Variants in GRM5 observed in about 807,000 individuals in gnomAD.
GRM5 encodes glutamate metabotropic receptor 5.
In GRM5, 19 loss-of-function variants were observed where a neutral mutation model predicts 83.1. The observed-to-expected ratio is 0.23, with a 90% CI of 0.16 to 0.34. The LOEUF is 0.34. GRM5 is among the 10% of genes least tolerant of loss of function. GRM5 has a pLI of 1.00. For missense variants in GRM5, 1,160 were observed against 1,588.3 expected (o/e 0.73, Z 4.58); for synonymous variants, 675 against 633.6 (o/e 1.07, Z -0.98).
At chr11:88,978,625 T>G (rs1361560587) in intron 2 of GRM5, among the ~76,000 whole-genome samples, 1 of 151,884 alleles carries the variant, frequency 6.6e-6, no homozygotes, top group Admixed American at 6.6e-5. Flanking sequence ...ACAAGCTTGA[T>G]GTACAGTATT....
At chr11:88,644,451 A>G (rs1431612483) in intron 4 of GRM5, among the ~76,000 whole-genome samples, 1 of 152,202 alleles carries the variant, frequency 6.6e-6, no homozygotes, top group African/African-American at 2.4e-5. Flanking sequence ...TCCTTGAGAC[A>G]TTTATAATTT....
chr11:88,612,544 C>T (rs1938352914), intron 4 of GRM5, among the ~76,000 whole-genome samples: 1 of 152,320 alleles, frequency 6.6e-6, no homozygotes, highest in Non-Finnish European at 1.5e-5. Flanking sequence ...AGTAGCCACA[C>T]TGACTTCCAC....
At chr11:88,768,646 T>C (rs1274583373) in intron 3 of GRM5, among the ~76,000 whole-genome samples, 3 of 151,662 alleles carry the variant, frequency 2.0e-5, no homozygotes, top group Non-Finnish European at 4.4e-5. Flanking sequence ...AAAGAGATAA[T>C]TTAAAAATAG....
chr11:88,619,592 A>G (rs1938578771), intron 4 of GRM5, among the ~76,000 whole-genome samples: 1 of 152,110 alleles, frequency 6.6e-6, no homozygotes, highest in African/African-American at 2.4e-5. Context: ...CTTGCCTCCT[A>G]ATTTCTTGGG....
At position 88,580,132 on chromosome 11, in the gene GRM5, A is replaced by C. The variant is rs1391239586; in HGVS notation, c.1690+10469T>G. Among the ~76,000 whole-genome samples the C allele has an allele frequency of 4.6e-5, 7 of 152,332 alleles. No individual in the cohort carries two copies. The East Asian group carries it at 1.3e-3, about 29-fold the overall frequency. On this transcript the variant is annotated intron_variant, in intron 7 of 9. Transcript: ENST00000305447. ...TCAGATGAAATGTAATAGTAAGGATAAAGCAGCCTGGGAGATTAAGAAGGT... is the reference window on the plus strand; with the variant it reads ...TCAGATGAAATGTAATAGTAAGGATCAAGCAGCCTGGGAGATTAAGAAGGT...
At chr11:88,715,555 A>C (rs1486774532) in intron 3 of GRM5, among the ~76,000 whole-genome samples, 1 of 151,982 alleles carries the variant, frequency 6.6e-6, no homozygotes. Context: ...CCTCCTGATC[A>C]GTAGAATAGA....
At chr11:88,956,398 G>A (rs539079956) in intron 2 of GRM5, among the ~76,000 whole-genome samples, 1 of 152,254 alleles carries the variant, frequency 6.6e-6, no homozygotes, top group East Asian at 1.9e-4. Context: ...TATTTATTAA[G>A]CATACATCAT....
intron 3 of GRM5, among the ~76,000 whole-genome samples, chr11:88,765,806 C>A (rs1485098703): frequency 1.3e-5 from 2 of 151,646 alleles, no homozygotes; most frequent in African/African-American, 4.8e-5. Flanking sequence ...GATATAACAT[C>A]AAAGGCACAG....
intron 4 of GRM5, among the ~76,000 whole-genome samples, chr11:88,641,645 A>G (rs1565167104): frequency 6.6e-6 from 1 of 152,194 alleles, no homozygotes; most frequent in Non-Finnish European, 1.5e-5. Flanking sequence ...GAAATTTGCC[A>G]AAAGAAAGGG....
At chr11:89,023,871 A>G (rs1179296758) in intron 2 of GRM5, among the ~76,000 whole-genome samples, 5 of 148,288 alleles carry the variant, frequency 3.4e-5, no homozygotes, top group Admixed American at 1.4e-4. Flanking sequence ...ATAAATAAAT[A>G]AATAAATAAA....
At chr11:88,520,555 T>C (rs1941652323) in intron 9 of GRM5, among the ~76,000 whole-genome samples, 1 of 151,848 alleles carries the variant, frequency 6.6e-6, no homozygotes, top group Admixed American at 6.5e-5. Flanking sequence ...AGAGGAGTTT[T>C]ATATTGCATT....
intron 2 of GRM5, among the ~76,000 whole-genome samples, chr11:88,987,606 C>T (rs1273787838): frequency 6.6e-6 from 1 of 152,048 alleles, no homozygotes; most frequent in Non-Finnish European, 1.5e-5. Flanking sequence ...ACTTAAATGT[C>T]CTTGTCTGAC....
chr11:88,564,943 T>A (rs1942841440), intron 8 of GRM5, among the ~76,000 whole-genome samples: 1 of 151,550 alleles, frequency 6.6e-6, no homozygotes, highest in East Asian at 1.9e-4. Context: ...ATTAAGATCA[T>A]CCAGATTGTG....
At chr11:88,663,880 C>T (rs1368215136) in intron 3 of GRM5, among the ~76,000 whole-genome samples, 1 of 152,152 alleles carries the variant, frequency 6.6e-6, no homozygotes, top group Non-Finnish European at 1.5e-5. Flanking sequence ...AGCAATAAGA[C>T]AGGCTTCAAG....
At chr11:88,720,801 T>TGTGTGTGTGTGTGTGTGC (rs1361343971) in intron 3 of GRM5, among the ~76,000 whole-genome samples, 7 of 128,238 alleles carry the variant, frequency 5.5e-5, no homozygotes, top group African/African-American at 2.1e-4. Flanking sequence ...TTACTCTGTG[T>TGTGTGTGTGTGTGTGTGC]GTGTGTGTGT....
Position 88,868,377 on chromosome 11 carries a change from T to C in GRM5, c.662-18222A>G, listed in dbSNP as rs568308410. Among the ~76,000 whole-genome samples the C allele has an allele frequency of 1.3e-4, 19 of 151,968 alleles. No homozygotes were observed. In the East Asian group the frequency reaches 3.7e-3, roughly 29 times the overall value. ...TATTAATCTTTCTAAGTCTTTTTTT[T>C]CTCATCTATAACATTTTCATAAGGT... is the stretch of plus-strand genomic sequence containing the variant. On this transcript the variant is annotated intron_variant, in intron 2 of 9. Transcript: ENST00000305447.
chr11:88,712,630 A>T (rs1316041534), intron 3 of GRM5, among the ~76,000 whole-genome samples: 1 of 152,032 alleles, frequency 6.6e-6, no homozygotes, highest in Non-Finnish European at 1.5e-5. Context: ...TGGTCTTATA[A>T]TGAATACTGT....
At position 88,796,125 on chromosome 11, in the gene GRM5, C is replaced by T. The variant is rs569173422; in HGVS notation, c.911+53781G>A. 5.3e-5 allele frequency among the ~76,000 whole-genome samples: 8 copies of T among 152,172 alleles called. No homozygotes were observed. In the East Asian group the frequency reaches 5.8e-4, roughly 11 times the overall value. On this transcript the variant is annotated intron_variant, in intron 3 of 9. Transcript: ENST00000305447. ...TCTTCAGGACCACTTGCATTTCCAA[C>T]GTAATTTAAAATAAGTAGTGGGAGA...
intron 3 of GRM5, among the ~76,000 whole-genome samples, chr11:88,661,829 C>T (rs1939913863): frequency 6.6e-6 from 1 of 152,104 alleles, no homozygotes; most frequent in African/African-American, 2.4e-5. Flanking sequence ...GCCTTTGCAA[C>T]TGTGCCTGGC....
Sources: gnomAD v4.1 joint callset for allele counts (sites outside exome capture counted in the v4.1 genomes callset) on GRCh38, gnomAD v4.1.1 for gene constraint, MANE v1.5 for transcripts, NCBI Gene and HGNC (gene_info 2026-07-23, HGNC 2026-07-21) for gene names.